Variants in PDE8B observed in about 807,000 individuals in gnomAD.
PDE8B encodes high affinity cAMP-specific and IBMX-insensitive 3',5'-cyclic phosphodiesterase 8B.
A neutral mutation model predicts 101.3 loss-of-function variants in PDE8B; 26 were observed. That is an observed-to-expected ratio of 0.26 (90% CI 0.19 to 0.36). PDE8B has a LOEUF of 0.36. PDE8B is among the 10% of genes least tolerant of loss of function. PDE8B has a pLI of 1.00. For missense variants in PDE8B, 810 were observed against 1,163.1 expected, an observed-to-expected ratio of 0.70 and a Z score of 4.42; for synonymous variants, 424 against 429.3, an observed-to-expected ratio of 0.99 and a Z score of 0.15.
chr5:77,331,568 C>G, intron 5 of PDE8B, 109 bp downstream of exon 5: 1 of 885,692 alleles, frequency 1.1e-6, no homozygotes, highest in East Asian at 2.4e-5. Context: ...GAAATTAAGC[C>G]CCAGGACTGT....
At chr5:77,128,612 A>ACAAAC in the PDE8B span, among the ~76,000 whole-genome samples, 1 of 152,174 alleles carries the variant, frequency 6.6e-6, no homozygotes, top group East Asian at 1.9e-4. Context: ...GCTTGCCTTC[A>ACAAAC]CCAGTGACTG....
At chr5:77,290,170 A>G in intron 1 of PDE8B, 2 of 1,443,206 alleles carry the variant, frequency 1.4e-6, no homozygotes, top group Non-Finnish European at 1.9e-6. Context: ...CTGGTCTTAC[A>G]TTAAAAACCA....
chr5:77,296,485 ACTCTTGG>A, intron 1 of PDE8B, among the ~76,000 whole-genome samples: 1 of 151,994 alleles, frequency 6.6e-6, no homozygotes, highest in Non-Finnish European at 1.5e-5. Context: ...CTGGTCTTGA[ACTCTTGG>A]CTCCCCAAAA....
Position 77,211,178 on chromosome 5 carries a change from C to T in PDE8B, c.253C>T (p.Pro85Ser), listed in dbSNP as rs1748268847. ...GSGSSAGSAA[P>S]AATTSRGRRR... ...CGGTAGCAGCGCGGGTTCCGCAGCC[C>T]CCGCCGCGACCACCAGCAGGGGCCG... Residue 85 changes from proline (P) to serine (S), a missense_variant, in exon 1 of 22, where the codon CCC becomes TCC. This residue lies in a region of PDE8B where 159 missense variants were observed against 146.6 expected (regional missense o/e 1.08). Coordinates refer to ENST00000264917, the MANE Select transcript of PDE8B (RefSeq NM_003719.5). This position sits in a 1 kb window ranked among gnomAD's most constrained non-coding sequence, Gnocchi z 4.1. The T allele has an allele frequency of 6.5e-7, 1 of 1,540,538 alleles. No homozygotes were observed.
upstream of PDE8B, among the ~76,000 whole-genome samples, chr5:77,209,631 TC>T (rs1465003370): frequency 1.3e-5 from 2 of 152,136 alleles, no homozygotes; most frequent in Admixed American, 1.3e-4. Flanking sequence ...AAGGCATTCT[TC>T]CTCTCCTCCA....
chr5:77,307,449 G>C (rs1278381935), intron 1 of PDE8B, among the ~76,000 whole-genome samples: 2 of 152,164 alleles, frequency 1.3e-5, no homozygotes, highest in African/African-American at 4.8e-5. Context: ...GACGTTTACA[G>C]ATCAACAAAG....
At chr5:77,149,225 T>C in the PDE8B span, among the ~76,000 whole-genome samples, 1 of 152,230 alleles carries the variant, frequency 6.6e-6, no homozygotes, top group Non-Finnish European at 1.5e-5. Flanking sequence ...CATTCATCTC[T>C]AAGGATATGT....
At chr5:77,334,400 A>G (rs1777720215) in intron 5 of PDE8B, among the ~76,000 whole-genome samples, 1 of 152,230 alleles carries the variant, frequency 6.6e-6, no homozygotes, top group Admixed American at 6.5e-5. Flanking sequence ...AGAAACCAGC[A>G]TCTTAGCAAA....
chr5:77,363,411 T>C (rs1208421187), intron 10 of PDE8B, among the ~76,000 whole-genome samples: 1 of 152,028 alleles, frequency 6.6e-6, no homozygotes, highest in Non-Finnish European at 1.5e-5. Context: ...GTTTGAGCAG[T>C]GGATAGAATA....
intron 1 of PDE8B, among the ~76,000 whole-genome samples, chr5:77,304,524 G>T: frequency 6.6e-6 from 1 of 151,420 alleles, no homozygotes; most frequent in Admixed American, 6.6e-5. Context: ...TTTTGTTTTT[G>T]GTGAATAGAA....
At chr5:77,239,328 AC>A (rs1755286301) in intron 1 of PDE8B, among the ~76,000 whole-genome samples, 1 of 152,222 alleles carries the variant, frequency 6.6e-6, no homozygotes. Context: ...TGTGTATGCC[AC>A]CCAGTGGCCA....
intron 1 of PDE8B, among the ~76,000 whole-genome samples, chr5:77,304,247 A>G (rs7711488): frequency 0.83 from 125,808 of 152,190 alleles, 52,177 homozygotes; most frequent in East Asian, 0.97. Context: ...GTTGGATGTA[A>G]GATAGTATCT....
intron 1 of PDE8B, among the ~76,000 whole-genome samples, chr5:77,279,360 T>C (rs1764503511): frequency 6.6e-6 from 1 of 152,254 alleles, no homozygotes; most frequent in African/African-American, 2.4e-5. Flanking sequence ...CTAGATGGTA[T>C]GTCCTTTTAG....
upstream of PDE8B, among the ~76,000 whole-genome samples, chr5:77,210,023 T>G (rs1747906033): frequency 6.6e-6 from 1 of 151,988 alleles, no homozygotes; most frequent in Non-Finnish European, 1.5e-5. This position sits in a 1 kb window ranked among gnomAD's most constrained non-coding sequence, Gnocchi z 4.9. Context: ...GACGGAACCA[T>G]GAGGTCTCTC....
the PDE8B span, chr5:77,087,341 C>A: frequency 1.3e-5 from 2 of 152,338 alleles, no homozygotes; most frequent in Non-Finnish European, 2.9e-5. Context: ...GGATCGCGAG[C>A]GACAGATTTG....
intron 10 of PDE8B, among the ~76,000 whole-genome samples, chr5:77,387,272 T>A (rs932362991): frequency 6.6e-6 from 1 of 152,120 alleles, no homozygotes; most frequent in Non-Finnish European, 1.5e-5. Context: ...GTTGAGAAAA[T>A]CTCTCGGTAT....
intron 2 of PDE8B, 52 bp downstream of exon 2, chr5:77,312,105 C>CTT (rs11395504): frequency 0.038 from 32,978 of 858,874 alleles, 4 homozygotes; most frequent in East Asian, 0.076. Context: ...TTTTTTTTTT[C>CTT]TTTTTTTTTT....
chr5:77,366,270 G>C (rs941007260), intron 10 of PDE8B, among the ~76,000 whole-genome samples: 4 of 152,090 alleles, frequency 2.6e-5, no homozygotes, highest in Admixed American at 6.5e-5. Flanking sequence ...CATCGTCCCT[G>C]CGACGCTGCA....
intron 20 of PDE8B, among the ~76,000 whole-genome samples, chr5:77,422,930 T>C (rs1230046139): frequency 6.6e-6 from 1 of 152,194 alleles, no homozygotes; most frequent in East Asian, 1.9e-4. Flanking sequence ...GGTATATTGC[T>C]GATGCTGAGG....
Sources: gnomAD v4.1 joint callset for allele counts (sites outside exome capture counted in the v4.1 genomes callset) on GRCh38, gnomAD v4.1.1 for gene constraint, gnomAD v4.1.1 regional missense constraint, Gnocchi (gnomAD v3.1) non-coding constraint, MANE v1.5 for transcripts, NCBI Gene and HGNC (gene_info 2026-07-23, HGNC 2026-07-21) for gene names.